RBKS: variants seen among roughly 807,000 people sequenced by gnomAD.
RBKS encodes the protein ribokinase.
Under a neutral mutation model 33.9 loss-of-function variants are expected in RBKS, and 33 were observed. The observed-to-expected ratio is 0.97, with a 90% CI of 0.74 to 1.30. The LOEUF (loss-of-function observed/expected upper bound fraction) is 1.30, where lower values mean the gene tolerates loss of function less well. Among genes scored for constraint, RBKS ranks in the 50% most tolerant of loss-of-function variants. The pLI, the probability that RBKS is intolerant of heterozygous loss-of-function variation, is 0.00. For missense variants in RBKS, 361 were observed against 392.6 expected (o/e 0.92, Z 0.68); for synonymous variants, 125 against 143.0 (o/e 0.87, Z 0.90).
chr2:27,824,716 C>T (rs1200723073), intron 7 of RBKS, among the ~76,000 whole-genome samples: 1 of 152,186 alleles, frequency 6.6e-6, no homozygotes, highest in Non-Finnish European at 1.5e-5. Context: ...ACATGTAAGG[C>T]TTAAGTATAA....
At chr2:27,786,742 C>T (rs1212221175) in intron 7 of RBKS, among the ~76,000 whole-genome samples, 2 of 149,788 alleles carry the variant, frequency 1.3e-5, no homozygotes, top group Non-Finnish European at 3.0e-5. Context: ...GACCGTGCCA[C>T]TGCACTCTCG....
At chr2:27,802,662 T>G (rs1677821575) in intron 7 of RBKS, among the ~76,000 whole-genome samples, 1 of 152,102 alleles carries the variant, frequency 6.6e-6, no homozygotes, top group African/African-American at 2.4e-5. Flanking sequence ...AACTCTAAGT[T>G]CAATGCACGC....
intron 6 of RBKS, among the ~76,000 whole-genome samples, chr2:27,828,818 T>C (rs1342665795): frequency 6.6e-6 from 1 of 152,238 alleles, no homozygotes; most frequent in Non-Finnish European, 1.5e-5. Flanking sequence ...GCTTTGATTC[T>C]GTTTTTCTTT....
intron 7 of RBKS, among the ~76,000 whole-genome samples, chr2:27,823,797 C>T (rs979078235): frequency 2.0e-5 from 3 of 152,168 alleles, no homozygotes; most frequent in Admixed American, 1.3e-4. Context: ...AGTCCATTCA[C>T]GCATATTCAG....
intron 2 of RBKS, among the ~76,000 whole-genome samples, chr2:27,856,358 TCA>T (rs1345744450): frequency 6.6e-6 from 1 of 152,140 alleles, no homozygotes; most frequent in African/African-American, 2.4e-5. Flanking sequence ...ACATAAACCA[TCA>T]CACACAAATG....
intron 7 of RBKS, among the ~76,000 whole-genome samples, chr2:27,799,911 G>GT (rs1489176995): frequency 6.6e-6 from 1 of 152,198 alleles, no homozygotes; most frequent in African/African-American, 2.4e-5. Flanking sequence ...AGGCTGAGGC[G>GT]TGAGTATCTA....
Position 27,866,143 on chromosome 2 carries a change from AGTCTTTAG to A in RBKS, c.90-7580_90-7573del, listed in dbSNP as rs546314809. 7.2e-5 allele frequency among the ~76,000 whole-genome samples: 11 copies of A among 152,306 alleles called. No individual in the cohort carries two copies. In the East Asian group the frequency reaches 2.1e-3, roughly 29 times the overall value. On this transcript the variant is annotated intron_variant, in intron 1 of 7. Transcript: ENST00000302188. ...GATAAATTCTTTTATTTTCCTAAAA[AGTCTTTAG>A]GAAGTCTTTATCTTTCCCCTTTATA...
intron 2 of RBKS, among the ~76,000 whole-genome samples, chr2:27,854,469 G>A (rs1307001884): frequency 1.3e-5 from 2 of 152,226 alleles, no homozygotes; most frequent in Non-Finnish European, 2.9e-5. Context: ...TGGCTGAAAA[G>A]AGGAAAGTGA....
intron 5 of RBKS, among the ~76,000 whole-genome samples, chr2:27,835,041 T>G (rs2148206570): frequency 6.6e-6 from 1 of 152,198 alleles, no homozygotes; most frequent in Non-Finnish European, 1.5e-5. Flanking sequence ...TTTGGGAAGC[T>G]GAGGCGGGTG....
At chr2:27,866,369 G>C (rs60088702) in intron 1 of RBKS, among the ~76,000 whole-genome samples, 1,660 of 152,156 alleles carry the variant, frequency 0.011, 38 homozygotes, top group African/African-American at 0.038. Flanking sequence ...TGATTTGCAG[G>C]AATTTGATCA....
intron 7 of RBKS, among the ~76,000 whole-genome samples, chr2:27,782,861 C>A (rs543920774): frequency 6.6e-6 from 1 of 152,234 alleles, no homozygotes; most frequent in East Asian, 1.9e-4. Context: ...TATGCTCTAT[C>A]TCCTTAAGGG....
At chr2:27,796,572 C>T (rs1251303418) in intron 7 of RBKS, among the ~76,000 whole-genome samples, 5 of 152,084 alleles carry the variant, frequency 3.3e-5, no homozygotes, top group African/African-American at 4.8e-5. Context: ...CTAGTGGTGC[C>T]CATTGAGGAA....
intron 1 of RBKS, among the ~76,000 whole-genome samples, chr2:27,884,011 C>A (rs1046482549): frequency 2.6e-5 from 4 of 152,144 alleles, no homozygotes; most frequent in Non-Finnish European, 4.4e-5. Context: ...ACTTTTCAGA[C>A]CAATTTAAGA....
intron 1 of RBKS, among the ~76,000 whole-genome samples, chr2:27,865,751 G>C (rs1664087914): frequency 6.6e-6 from 1 of 151,436 alleles, no homozygotes; most frequent in South Asian, 2.1e-4. Context: ...GGTTGATCTA[G>C]GGTTTACAAT....
At chr2:27,855,861 A>G (rs1349588054) in intron 2 of RBKS, among the ~76,000 whole-genome samples, 1 of 152,190 alleles carries the variant, frequency 6.6e-6, no homozygotes, top group Non-Finnish European at 1.5e-5. Context: ...TTAGTTTGTT[A>G]TAGGTAGCAA....
At chr2:27,815,397 C>T (rs191612808) in intron 7 of RBKS, among the ~76,000 whole-genome samples, 14 of 152,218 alleles carry the variant, frequency 9.2e-5, no homozygotes, top group Admixed American at 7.2e-4. Flanking sequence ...AATGGGGTTT[C>T]GCCATGTTGC....
At chr2:27,819,078 T>C (rs1288794215) in intron 7 of RBKS, among the ~76,000 whole-genome samples, 1 of 152,218 alleles carries the variant, frequency 6.6e-6, no homozygotes, top group Non-Finnish European at 1.5e-5. Context: ...CTTGATTCCT[T>C]GTGTGTATTA....
At chr2:27,814,869 G>A (rs780339187) in intron 7 of RBKS, among the ~76,000 whole-genome samples, 3 of 152,168 alleles carry the variant, frequency 2.0e-5, no homozygotes, top group Non-Finnish European at 4.4e-5. Context: ...GAAATAGGAA[G>A]AGGAAAGCAA....
At chr2:27,781,814 G>A in intron 7 of RBKS, 26 bp from the exon 8 acceptor site, 4 of 1,587,266 alleles carry the variant, frequency 2.5e-6, no homozygotes, top group Non-Finnish European at 3.4e-6. Context: ...CAGTTTTGAA[G>A]ATAAGCATGT....
Sources: gnomAD v4.1 joint callset for allele counts (sites outside exome capture counted in the v4.1 genomes callset) on GRCh38, gnomAD v4.1.1 for gene constraint, MANE v1.5 for transcripts, NCBI Gene and HGNC (gene_info 2026-07-23, HGNC 2026-07-21) for gene names.